The following LRBA variants were observed in gnomAD, a reference collection of about 807,000 sequenced individuals.
LRBA encodes lipopolysaccharide-responsive and beige-like anchor protein.
In LRBA, 176 loss-of-function variants were observed where a neutral mutation model predicts 330.0. The observed-to-expected ratio is 0.53, with a 90% CI of 0.47 to 0.60. The LOEUF is 0.60. Among genes scored for constraint, LRBA ranks in the 20% least tolerant of loss-of-function variants. LRBA has a pLI of 0.00. For synonymous variants in LRBA, 1,230 were observed against 1,193.0 expected (o/e 1.03, Z -0.64); for missense variants, 3,259 against 3,444.8 (o/e 0.95, Z 1.35).
intron 40 of LRBA, among the ~76,000 whole-genome samples, chr4:150,514,951 G>C (rs931472670): frequency 6.6e-6 from 1 of 152,138 alleles, no homozygotes; most frequent in Non-Finnish European, 1.5e-5. Context: ...CCACAGAACA[G>C]GTTCATAGCT....
At chr4:150,655,986 T>C (rs1780149975) in intron 37 of LRBA, among the ~76,000 whole-genome samples, 1 of 152,180 alleles carries the variant, frequency 6.6e-6, no homozygotes, top group Non-Finnish European at 1.5e-5. Flanking sequence ...GTCTAACTTG[T>C]AGGATCTTCA....
In LRBA at chr4:150,321,089, C is replaced by A; in HGVS notation, c.7630+102G>T. 2 of 1,121,278 alleles carry A rather than the reference C, an allele frequency of 1.8e-6. No homozygotes were observed. Among genetic ancestry groups the A allele is most frequent in the South Asian group, 1.6e-5 (1 of 63,740 alleles). The allele number at this position is 1,121,278 out of a possible 1,614,324, so 69.5% of individuals were successfully genotyped here. ...TTAAACAATTTGATTCAGACTAATG[C>A]TTGAAAATTAAAAGCTTAAATGTTG... On this transcript the variant is annotated intron_variant, in intron 50 of 56. Transcript: ENST00000651943. The surrounding 1 kb of genome is among the most constrained non-coding windows in gnomAD (Gnocchi z 4.5).
At chr4:150,553,170 A>T (rs1766846281) in intron 40 of LRBA, among the ~76,000 whole-genome samples, 1 of 152,174 alleles carries the variant, frequency 6.6e-6, no homozygotes, top group Non-Finnish European at 1.5e-5. Flanking sequence ...ATTTGTAGGG[A>T]CATGGATGAA....
At chr4:150,774,041 C>T (rs970820097) in intron 34 of LRBA, among the ~76,000 whole-genome samples, 1 of 152,130 alleles carries the variant, frequency 6.6e-6, no homozygotes, top group African/African-American at 2.4e-5. Flanking sequence ...GGTGGCACAC[C>T]AGTGTATAGA....
intron 37 of LRBA, among the ~76,000 whole-genome samples, chr4:150,614,895 T>A (rs1024677267): frequency 2.0e-5 from 3 of 152,224 alleles, no homozygotes; most frequent in African/African-American, 7.2e-5. Flanking sequence ...ACTATGGTTA[T>A]CAGCTGGCCA....
intron 50 of LRBA, 115 bp from the exon 51 acceptor site, chr4:150,315,738 C>T: frequency 1.5e-6 from 1 of 679,368 alleles, no homozygotes; most frequent in South Asian, 2.1e-5. Context: ...ATCTTTCATG[C>T]AGTTTTGTGA....
In LRBA at chr4:150,471,645, T is replaced by A; in HGVS notation, c.6646A>T (p.Met2216Leu). Reference protein sequence around the residue: ...HREISNFEYLMFLNTIAGRSY... With the variant: ...HREISNFEYLLFLNTIAGRSY... ...TTACCTGCTATCGTGTTGAGAAACA[T>A]CAAGTACTCAAAATTAGATATCTCT... The change falls in exon 43 of 57, where the codon ATG becomes TTG. Residue 2216 changes from methionine to leucine, a missense_variant. By Grantham distance (15) the Met-to-Leu change is conservative. Coordinates refer to ENST00000651943, the MANE Select transcript of LRBA (RefSeq NM_001364905.1). The A allele has an allele frequency of 6.2e-7, 1 of 1,600,092 alleles. No homozygotes were observed. Among genetic ancestry groups the A allele is most frequent in the Non-Finnish European group, 8.5e-7 (1 of 1,173,586 alleles).
chr4:150,558,308 CCTT>C (rs1452078499), intron 40 of LRBA, among the ~76,000 whole-genome samples: 1 of 152,056 alleles, frequency 6.6e-6, no homozygotes, highest in Non-Finnish European at 1.5e-5. Flanking sequence ...TATTTAGACT[CCTT>C]CTATAAGGGA....
intron 42 of LRBA, among the ~76,000 whole-genome samples, chr4:150,473,283 A>G (rs575651673): frequency 6.6e-6 from 1 of 152,254 alleles, no homozygotes; most frequent in South Asian, 2.1e-4. Context: ...TTACTCATTT[A>G]TTGAGCTGTT....
chr4:150,614,336 G>A (rs562177967), intron 37 of LRBA, among the ~76,000 whole-genome samples: 213 of 152,156 alleles, frequency 1.4e-3, no homozygotes, highest in African/African-American at 4.9e-3. Flanking sequence ...CAGATAAATA[G>A]AAAATTAGAC....
chr4:150,904,748 C>A (rs1731133694), intron 13 of LRBA, among the ~76,000 whole-genome samples: 1 of 152,076 alleles, frequency 6.6e-6, no homozygotes, highest in Non-Finnish European at 1.5e-5. Flanking sequence ...AAGCTACAAC[C>A]TCCAACTGCC....
chr4:150,954,053 C>T (rs992923244), intron 2 of LRBA, among the ~76,000 whole-genome samples: 20 of 150,294 alleles, frequency 1.3e-4, no homozygotes, highest in Admixed American at 3.3e-4. Flanking sequence ...CGGCAGCCAC[C>T]CCGTCTGGGA....
chr4:150,742,979 T>A (rs1732220284), intron 35 of LRBA, among the ~76,000 whole-genome samples: 2 of 152,314 alleles, frequency 1.3e-5, no homozygotes, highest in South Asian at 4.1e-4. Flanking sequence ...TTGTTTTTAT[T>A]TTTTTGGAGA....
chr4:150,590,660 T>C (rs1210055143), intron 39 of LRBA, 53 bp downstream of exon 39: 4 of 1,537,704 alleles, frequency 2.6e-6, no homozygotes, highest in East Asian at 2.2e-5. Flanking sequence ...TAAGTAATTA[T>C]ATGCTTATTG....
chr4:150,869,140 T>C (rs1753108667), intron 20 of LRBA, among the ~76,000 whole-genome samples: 1 of 151,374 alleles, frequency 6.6e-6, no homozygotes, highest in Non-Finnish European at 1.5e-5. Context: ...AGGGTGGTCT[T>C]GAACTCCTGA....
chr4:150,301,274 T>C (rs1465508522), intron 53 of LRBA, among the ~76,000 whole-genome samples: 1 of 152,096 alleles, frequency 6.6e-6, no homozygotes, highest in Non-Finnish European at 1.5e-5. Context: ...ATCTTTGTAA[T>C]TTCTATTGTA....
At chr4:150,292,917 A>G (rs1321085186) in intron 53 of LRBA, among the ~76,000 whole-genome samples, 1 of 152,150 alleles carries the variant, frequency 6.6e-6, no homozygotes, top group Admixed American at 6.5e-5. Flanking sequence ...AAAGACCACC[A>G]ATATAATTTT....
chr4:150,489,365 TATAAAATATATTACATATAAGA>T (rs1581466185), intron 41 of LRBA, among the ~76,000 whole-genome samples: 1 of 76,278 alleles, frequency 1.3e-5, no homozygotes, highest in African/African-American at 4.7e-5. Flanking sequence ...CATATAAGAA[TATAAAATATATTACATATAAGA>T]ATATAAAATA....
chr4:150,849,165 G>C (rs1379671937), intron 25 of LRBA, among the ~76,000 whole-genome samples, 167 bp from the exon 26 acceptor site: 1 of 152,140 alleles, frequency 6.6e-6, no homozygotes, highest in Non-Finnish European at 1.5e-5. Context: ...GGGGGATGAG[G>C]AGGAGCAACA....
Sources: gnomAD v4.1 joint callset for allele counts (sites outside exome capture counted in the v4.1 genomes callset) on GRCh38, gnomAD v4.1.1 for gene constraint, Gnocchi (gnomAD v3.1) non-coding constraint, MANE v1.5 for transcripts, NCBI Gene and HGNC (gene_info 2026-07-23, HGNC 2026-07-21) for gene names.